Variants in NPC1L1 observed in about 807,000 individuals in gnomAD.
NPC1L1 encodes NPC1 like intracellular cholesterol transporter 1.
NPC1L1 carries 98 observed loss-of-function variants against 117.0 expected under a neutral mutation model. That is an observed-to-expected ratio of 0.84 (90% CI 0.71 to 0.99). The LOEUF is 0.99. Ranked by LOEUF, NPC1L1 falls within the 50% of genes least tolerant of loss-of-function variation. NPC1L1 has a pLI of 0.00. For synonymous variants in NPC1L1, 729 were observed against 727.6 expected (o/e 1.00, Z -0.03); for missense variants, 1,540 against 1,710.0 (o/e 0.90, Z 1.75).
At chr7:44,540,489 G>A in intron 1 of NPC1L1, 147 bp from the exon 2 acceptor site, 1 of 748,798 alleles carries the variant, frequency 1.3e-6, no homozygotes, top group Non-Finnish European at 2.3e-6. Context: ...GCCTCCTGGA[G>A]GCATGTGCCA....
Position 44,535,830 on chromosome 7 carries a change from C to T in NPC1L1, c.1983+10G>A, listed in dbSNP as rs757091036. ...CTAGCCCACTTAGCTGTGTCCCTCC[C>T]GCTTCTCACCATCACTCGGCTCCAG... is the stretch of plus-strand genomic sequence containing the variant. On this transcript the variant is annotated intron_variant, in intron 5 of 18. Transcript: ENST00000381160. 1.6e-5 allele frequency: 26 copies of T among 1,612,386 alleles called. No individual in the cohort carries two copies. Among genetic ancestry groups the T allele is most frequent in the South Asian group, 8.8e-5 (8 of 90,992 alleles).
chr7:44,514,101 T>C (rs1218555822), intron 18 of NPC1L1, among the ~76,000 whole-genome samples: 1 of 152,132 alleles, frequency 6.6e-6, no homozygotes, highest in Non-Finnish European at 1.5e-5. Context: ...AGTTCCCTCA[T>C]CTGTAAAATG....
In NPC1L1 at chr7:44,536,074, C is replaced by T; in HGVS notation, c.1855-106G>A. On this transcript the variant is annotated intron_variant, in intron 4 of 18. Transcript: ENST00000381160. The surrounding 1 kb of genome is among the most constrained non-coding windows in gnomAD (Gnocchi z 4.7). Reference sequence around the variant, plus strand: ...ACTAATTGTGTGTTGTGTCATAGGGCCTGATGGCCCCCTATAATCGCAGGT... The same window carrying T: ...ACTAATTGTGTGTTGTGTCATAGGGTCTGATGGCCCCCTATAATCGCAGGT... 1.3e-6 allele frequency: 2 copies of T among 1,573,796 alleles called. No homozygotes were observed. Among genetic ancestry groups the T allele is most frequent in the Non-Finnish European group, 1.7e-6 (2 of 1,147,708 alleles).
chr7:44,531,881 A>T (rs550678910), intron 9 of NPC1L1, 37 bp from the exon 10 acceptor site: 1 of 1,551,142 alleles, frequency 6.4e-7, no homozygotes, highest in African/African-American at 1.4e-5. Context: ...CACCCTGCCC[A>T]ACAGCCGTCC....
intron 2 of NPC1L1, among the ~76,000 whole-genome samples, chr7:44,537,497 GT>G (rs1801939159): frequency 6.6e-6 from 1 of 152,188 alleles, no homozygotes; most frequent in Non-Finnish European, 1.5e-5. Flanking sequence ...TGTTTTCACA[GT>G]TTACTAGACT....
At position 44,521,027 on chromosome 7, in the gene NPC1L1, G is replaced by C. The variant is rs1347496020; in HGVS notation, c.3045C>G (p.Phe1015Leu). The C allele has an allele frequency of 6.2e-7, 1 of 1,614,050 alleles. No individual in the cohort carries two copies. Among genetic ancestry groups the C allele is most frequent in the Non-Finnish European group, 8.5e-7 (1 of 1,180,046 alleles). ...ATTTGATGTTGGGCCGGTCGTTCAG[G>C]AACCAGGGAAGATACTTATGGAACT... ...VEQFHKYLPW[F>L]LNDRPNIKCP... Residue 1015 changes from phenylalanine to leucine, a missense_variant, in exon 13 of 19, where the codon TTC (phenylalanine) becomes TTG (leucine). Physicochemically the swap from Phe to Leu is conservative, Grantham distance 22 (BLOSUM62 0). Around this residue, in one of 3 missense-constraint regions of NPC1L1, gnomAD observed 742 missense variants for 873.6 expected, o/e 0.85. Transcript: ENST00000381160.
chr7:44,516,133 G>A lies in NPC1L1; in HGVS notation c.3584C>T (p.Pro1195Leu). 6.2e-7 allele frequency: 1 copy of A among 1,613,066 alleles called. No individual in the cohort carries two copies. The highest frequency in any genetic ancestry group is 8.5e-7 in the Non-Finnish European group (1 of 1,179,598). The change falls in exon 17 of 19, where the codon CCC (proline) becomes CTC (leucine). Residue 1195 changes from proline (P) to leucine (L), a missense_variant. By Grantham distance (98) the Pro-to-Leu change is moderately conservative. Coordinates refer to ENST00000381160, the MANE Select transcript of NPC1L1 (RefSeq NM_001101648.2). ...CTCTTTGGCCCTCTCCAGCCAGGTG[G>A]GCTTGGTGCTGATGGCAAAGGAGCG... ...ITRSFAISTK[P>L]TWLERAKEAT...
At chr7:44,535,466 G>A (rs565356029) in intron 5 of NPC1L1, among the ~76,000 whole-genome samples, 2 of 152,132 alleles carry the variant, frequency 1.3e-5, no homozygotes, top group East Asian at 3.9e-4. Flanking sequence ...GAGTTTTGAG[G>A]TTGCAGTGAG....
rs1478375030 is a variant in NPC1L1, at chr7:44,541,278, T to A, written c.-19A>T. The A allele has an allele frequency of 6.5e-7, 1 of 1,548,878 alleles. No individual in the cohort carries two copies. Among genetic ancestry groups the A allele is most frequent in the Non-Finnish European group, 8.7e-7 (1 of 1,146,464 alleles). ...CCGCCATCCCAGGTCTGGGAAGGGGTCAGCGGGGAGCCAGGCCAGGCCTCA... is the reference window on the plus strand; with the variant it reads ...CCGCCATCCCAGGTCTGGGAAGGGGACAGCGGGGAGCCAGGCCAGGCCTCA... On this transcript the variant is annotated 5_prime_UTR_variant, in exon 1 of 19. Coordinates refer to ENST00000381160, the MANE Select transcript of NPC1L1 (RefSeq NM_001101648.2).
At chr7:44,533,314 G>T (rs1801758869) in intron 8 of NPC1L1, 117 bp downstream of exon 8, 1 of 1,231,760 alleles carries the variant, frequency 8.1e-7, no homozygotes, top group East Asian at 2.4e-5. Flanking sequence ...CTGGCACAAT[G>T]CCCCTGTCCC....
At position 44,536,918 on chromosome 7, in the gene NPC1L1, GC is replaced by G; in HGVS notation, c.1604del (p.Gly535AlafsTer6). ...CANAPLTFKD[G>X]TALALSCMAD... is the part of the protein sequence containing the mutation. ...CCATGCAGCTCAGGGCCAGGGCTGTGCCATCCTTGAAGGTGAGCGGGGCACT... is the reference window on the plus strand; with the variant it reads ...CCATGCAGCTCAGGGCCAGGGCTGTGCATCCTTGAAGGTGAGCGGGGCACT... On this transcript the variant is annotated frameshift_variant, in exon 3 of 19. Transcript: ENST00000381160. LOFTEE classifies it high-confidence loss of function. This position sits in a 1 kb window ranked among gnomAD's most constrained non-coding sequence, Gnocchi z 4.7. 1 of 1,614,058 alleles carries G rather than the reference GC, an allele frequency of 6.2e-7. No individual in the cohort carries two copies. The highest frequency in any genetic ancestry group is 2.2e-5 in the East Asian group (1 of 44,886).
chr7:44,537,151 T>C (rs1052077665), intron 2 of NPC1L1, among the ~76,000 whole-genome samples: 19 of 152,104 alleles, frequency 1.2e-4, no homozygotes, highest in Non-Finnish European at 2.4e-4. Flanking sequence ...ATGGCTCCCA[T>C]CCAGCAAGAT....
chr7:44,530,385 A>G (rs1034690883), intron 10 of NPC1L1, among the ~76,000 whole-genome samples: 4 of 152,000 alleles, frequency 2.6e-5, no homozygotes, highest in Non-Finnish European at 5.9e-5. Context: ...GGCTGAGGGG[A>G]GGGGAGAATG....
intron 10 of NPC1L1, among the ~76,000 whole-genome samples, chr7:44,526,184 CA>C (rs1212899254): frequency 6.6e-6 from 1 of 151,536 alleles, no homozygotes; most frequent in African/African-American, 2.4e-5. Context: ...ACAACAACAA[CA>C]AAAAACAAGT....
chr7:44,540,140 T>C lies in NPC1L1; in HGVS notation c.257A>G (p.Asn86Ser). 1.2e-6 allele frequency: 2 copies of C among 1,614,122 alleles called. No homozygotes were observed. The highest frequency in any genetic ancestry group is 1.1e-5 in the South Asian group (1 of 91,082). ...CTTGGCGGAGCAGCAGGCTTGGGTG[T>C]TGGGGCCGGTGTAGAGGCGGGGGCA... ...KICPRLYTGP[N>S]TQACCSAKQL... Residue 86 changes from asparagine to serine, a missense_variant, in exon 2 of 19, where the codon AAC becomes AGC. Around this residue, in one of 3 missense-constraint regions of NPC1L1, gnomAD observed 793 missense variants for 820.4 expected, o/e 0.97. Coordinates refer to ENST00000381160, the MANE Select transcript of NPC1L1 (RefSeq NM_001101648.2).
intron 14 of NPC1L1, among the ~76,000 whole-genome samples, chr7:44,518,097 G>C (rs1011502361): frequency 6.6e-6 from 1 of 150,576 alleles, no homozygotes; most frequent in Non-Finnish European, 1.5e-5. Context: ...CTGGGCAACA[G>C]AGCAAGATCC....
rs1801386582 is a variant in NPC1L1, at chr7:44,522,334, G to A, written c.2638-92C>T. ...TCACACTCTCGAAGGTACACACAGAGGTACATGCTAAAAGGCACATGTTCA... is the reference window on the plus strand; with the variant it reads ...TCACACTCTCGAAGGTACACACAGAAGTACATGCTAAAAGGCACATGTTCA... On this transcript the variant is annotated intron_variant, in intron 10 of 18. Coordinates refer to ENST00000381160, the MANE Select transcript of NPC1L1 (RefSeq NM_001101648.2). The A allele has an allele frequency of 2.4e-6, 3 of 1,235,182 alleles. No homozygotes were observed. In the South Asian group the frequency reaches 3.9e-5, roughly 16 times the overall value. 76.5% of individuals were successfully genotyped at this position (1,235,182 alleles called of 1,614,324 possible).
chr7:44,521,737 C>T lies in NPC1L1; in HGVS notation c.2928G>A (p.Lys976=). 6.2e-7 allele frequency: 1 copy of T among 1,614,136 alleles called. No individual in the cohort carries two copies. The highest frequency in any genetic ancestry group is 8.5e-7 in the Non-Finnish European group (1 of 1,180,024). Residue 976 remains lysine, a synonymous_variant, in exon 12 of 19, where the codon AAG becomes AAA. Coordinates refer to ENST00000381160, the MANE Select transcript of NPC1L1 (RefSeq NM_001101648.2). ...TGACGGTCGAGGGGCAGAACTTGTC[C>T]TTATTGGGGCCAGATATATAAAGGC... ...CCRLYISGPN[K]DKFCPSTVNS...
At position 44,536,514 on chromosome 7, in the gene NPC1L1, C is replaced by A; in HGVS notation, c.1682-86G>T. ...GCACCCCTATATTCCCTCCCCCTAT[C>A]TAGCTGCACCCCTCCCATCACCCCT... On this transcript the variant is annotated intron_variant, in intron 3 of 18. Coordinates refer to ENST00000381160, the MANE Select transcript of NPC1L1 (RefSeq NM_001101648.2). This position sits in a 1 kb window ranked among gnomAD's most constrained non-coding sequence, Gnocchi z 4.7. The A allele has an allele frequency of 7.0e-7, 1 of 1,421,684 alleles. No homozygotes were observed. Among genetic ancestry groups the A allele is most frequent in the Non-Finnish European group, 9.8e-7 (1 of 1,020,390 alleles). 88.1% of individuals were successfully genotyped at this position (1,421,684 alleles called of 1,614,324 possible).
Sources: gnomAD v4.1 joint callset for allele counts (sites outside exome capture counted in the v4.1 genomes callset) on GRCh38, gnomAD v4.1.1 for gene constraint, gnomAD v4.1.1 regional missense constraint, Gnocchi (gnomAD v3.1) non-coding constraint, MANE v1.5 for transcripts, NCBI Gene and HGNC (gene_info 2026-07-23, HGNC 2026-07-21) for gene names.